Variants in NOBOX observed in about 807,000 individuals in gnomAD.
The protein encoded by NOBOX is NOBOX oogenesis homeobox, also known as homeobox protein NOBOX.
In NOBOX, 46 loss-of-function variants were observed where a neutral mutation model predicts 60.2. The observed-to-expected ratio is 0.76, with a 90% CI of 0.60 to 0.98. The LOEUF (loss-of-function observed/expected upper bound fraction) is 0.98. NOBOX is among the 50% of genes least tolerant of loss of function. The pLI, the probability that NOBOX is intolerant of heterozygous loss-of-function variation, is 0.00. For missense variants in NOBOX, 880 were observed against 865.5 expected, an observed-to-expected ratio of 1.02 and a Z score of -0.21; for synonymous variants, 360 against 346.3, an observed-to-expected ratio of 1.04 and a Z score of -0.44.
At chr7:144,403,530 C>T (rs1233265169) in intron 2 of NOBOX, 127 bp downstream of exon 1, 1 of 328,606 alleles carries the variant, frequency 3.0e-6, no homozygotes, top group Non-Finnish European at 5.8e-6. Flanking sequence ...CCCCACCCGA[C>T]TCCACCCGGC....
At chr7:144,402,505 A>G (rs2053949034) in intron 2 of NOBOX, among the ~76,000 whole-genome samples, 1 of 152,124 alleles carries the variant, frequency 6.6e-6, no homozygotes, top group South Asian at 2.1e-4. Context: ...TATGTCCAAG[A>G]TCACACAGCA....
downstream of NOBOX, among the ~76,000 whole-genome samples, chr7:144,396,950 A>T (rs1024561914): frequency 1.3e-5 from 2 of 152,176 alleles, no homozygotes; most frequent in African/African-American, 4.8e-5. Flanking sequence ...ACTCCAGCTC[A>T]TTTGTCAAGC....
intron 2 of NOBOX, 82 bp downstream of exon 1, chr7:144,403,575 C>T: frequency 1.7e-6 from 1 of 591,302 alleles, no homozygotes; most frequent in Non-Finnish European, 3.1e-6. Flanking sequence ...TCGGCTAACG[C>T]TGACCTGGTG....
downstream of NOBOX, chr7:144,397,125 C>T (rs2128860577): frequency 4.6e-6 from 4 of 874,790 alleles, no homozygotes; most frequent in East Asian, 1.1e-4. Flanking sequence ...AAACGTCTAA[C>T]TCTCCCCTCA....
rs2053910110 is a variant in NOBOX at position 144,398,496 on chromosome 7, G to A, written c.1560C>T (p.Ser520=). ...GGAAAAGCGGGGGCTGTGGAGCCTG[G>A]GAGAACTGGAAGGGTCCTGGCTGGT... The change falls in exon 9 of 10, where the codon TCC becomes TCT. Residue 520 remains serine (S), a synonymous_variant. Transcript: ENST00000467773. 1.3e-6 allele frequency: 2 copies of A among 1,537,024 alleles called. No individual in the cohort carries two copies. The highest frequency in any genetic ancestry group is 3.4e-4 in the Middle Eastern group (2 of 5,906).
At position 144,401,461 on chromosome 7, in the gene NOBOX, C is replaced by T. The variant is rs748148557; in HGVS notation, c.429G>A (p.Pro143=). 1.0e-5 allele frequency: 16 copies of T among 1,585,212 alleles called. No individual in the cohort carries two copies. Among genetic ancestry groups the T allele is most frequent in the East Asian group, 9.0e-5 (4 of 44,690 alleles). Residue 143 remains proline (P), a synonymous_variant, in exon 4 of 10, where the codon CCG becomes CCA. Coordinates refer to ENST00000467773, the MANE Select transcript of NOBOX (RefSeq NM_001080413.3). This position sits in a 1 kb window ranked among gnomAD's most constrained non-coding sequence, Gnocchi z 4.2. ...CGGTGGCTTCTCCAGAGACTGCTGGCGGCTTCTTCTCTCCTGAGATGGTGC... is the reference window on the plus strand; with the variant it reads ...CGGTGGCTTCTCCAGAGACTGCTGGTGGCTTCTTCTCTCCTGAGATGGTGC...
At chr7:144,407,435 C>T (rs571985538) in intron 1 of NOBOX, among the ~76,000 whole-genome samples, 4 of 152,246 alleles carry the variant, frequency 2.6e-5, no homozygotes, top group African/African-American at 4.8e-5. Flanking sequence ...CCAGGGAGAT[C>T]GTAGTCACAG....
At chr7:144,399,586 G>A (rs1209863064) in intron 6 of NOBOX, 104 bp from the exon 5 acceptor site, 3 of 1,182,238 alleles carry the variant, frequency 2.5e-6, no homozygotes, top group African/African-American at 1.5e-5. Flanking sequence ...GCCTCCTACA[G>A]GGCATTGGCA....
rs2053915177 is a variant in NOBOX at position 144,398,952 on chromosome 7, T to C, written c.1467A>G (p.Thr489=). 2 of 1,543,978 alleles carry C rather than the reference T, an allele frequency of 1.3e-6. No homozygotes were observed. The highest frequency in any genetic ancestry group is 2.4e-5 in the South Asian group (2 of 84,252). Residue 489 remains threonine, a splice_region_variant and synonymous_variant, in exon 8 of 10, where the codon ACA becomes ACG. Transcript: ENST00000467773. ...ACCTACCCCCGTAGGTTCCTTACCT[T>C]GTCCCCCAGGACCCACAGGGGCCGT...
At chr7:144,397,202 C>G, downstream of NOBOX, 1 of 1,493,060 alleles carries the variant, frequency 6.7e-7, no homozygotes, top group Non-Finnish European at 8.9e-7. Context: ...CAATCCTATC[C>G]CACCCAAGCA....
chr7:144,408,905 A>G (rs1432186952), intron 1 of NOBOX, among the ~76,000 whole-genome samples: 1 of 152,230 alleles, frequency 6.6e-6, no homozygotes, highest in Admixed American at 6.5e-5. Context: ...CACAGAACTA[A>G]ATACACACCA....
At position 144,398,357 on chromosome 7, in the gene NOBOX, C is replaced by G; in HGVS notation, c.1699G>C (p.Gly567Arg). The change falls in exon 9 of 10, where the codon GGG (glycine) becomes CGG (arginine). Residue 567 changes from glycine (G) to arginine (R), a missense_variant. Coordinates refer to ENST00000467773, the MANE Select transcript of NOBOX (RefSeq NM_001080413.3). Reference sequence around the variant, plus strand: ...GGGCAATAGCCCTGCGATGTGCCCCCGCTGGGGCCACAGGGAAACATAAAG... The same window carrying G: ...GGGCAATAGCCCTGCGATGTGCCCCGGCTGGGGCCACAGGGAAACATAAAG... 1 of 1,537,218 alleles carries G rather than the reference C, an allele frequency of 6.5e-7. No homozygotes were observed. The highest frequency in any genetic ancestry group is 8.7e-7 in the Non-Finnish European group (1 of 1,146,898).
At chr7:144,407,926 A>G (rs929933101) in intron 1 of NOBOX, among the ~76,000 whole-genome samples, 1 of 152,224 alleles carries the variant, frequency 6.6e-6, no homozygotes, top group African/African-American at 2.4e-5. Flanking sequence ...GGTGTTTTGT[A>G]ATTTAGAATG....
intron 1 of NOBOX, among the ~76,000 whole-genome samples, chr7:144,406,795 G>A (rs1426000373): frequency 2.0e-4 from 30 of 152,288 alleles, no homozygotes; most frequent in Non-Finnish European, 1.5e-5. Context: ...TTCAAGTGAA[G>A]GAGGTTTGCT....
chr7:144,407,090 T>C (rs1481957905), intron 1 of NOBOX, among the ~76,000 whole-genome samples: 1 of 151,926 alleles, frequency 6.6e-6, no homozygotes, highest in Non-Finnish European at 1.5e-5. Context: ...TCTTCCAAAA[T>C]CTTTTTTTCC....
chr7:144,401,132 T>A lies in NOBOX; in HGVS notation c.758A>T (p.Gln253Leu). The stretch of plus-strand genomic sequence containing the variant: ...CTTGTGGTCTCTGTTTTGGTTGCTC[T>A]GCGCCAATGTACTGAGGAGATTGGC... Residue 253 changes from glutamine to leucine, a missense_variant, in exon 4 of 10, where the codon CAG becomes CTG. Coordinates refer to ENST00000467773, the MANE Select transcript of NOBOX (RefSeq NM_001080413.3). The surrounding 1 kb of genome is among the most constrained non-coding windows in gnomAD (Gnocchi z 4.2). The A allele has an allele frequency of 6.3e-7, 1 of 1,584,504 alleles. No individual in the cohort carries two copies. The highest frequency in any genetic ancestry group is 8.6e-7 in the Non-Finnish European group (1 of 1,165,980).
chr7:144,405,310 G>A (rs183903465), intron 1 of NOBOX, among the ~76,000 whole-genome samples: 4 of 152,288 alleles, frequency 2.6e-5, no homozygotes, highest in Non-Finnish European at 4.4e-5. Context: ...TTGCTTCCAG[G>A]ATCATTTGAT....
chr7:144,400,858 G>A (rs1323570647), intron 4 of NOBOX, among the ~76,000 whole-genome samples, 188 bp downstream of exon 2: 2 of 152,186 alleles, frequency 1.3e-5, no homozygotes, highest in East Asian at 3.8e-4. Flanking sequence ...TTTCTGATGT[G>A]ATAACCCAAC....
intron 2 of NOBOX, chr7:144,404,457 T>G: frequency 1.9e-6 from 2 of 1,025,910 alleles, no homozygotes; most frequent in Admixed American, 4.6e-5. Flanking sequence ...CCACGTTGGC[T>G]AGGCTGGGCT....
Sources: allele counts gnomAD v4.1 joint callset (sites outside exome capture counted in the v4.1 genomes callset), GRCh38; gene constraint gnomAD v4.1.1; non-coding constraint Gnocchi (gnomAD v3.1); transcripts MANE v1.5; gene names NCBI Gene and HGNC (gene_info 2026-07-23, HGNC 2026-07-21).